Variants in PMS1 observed in about 807,000 individuals in gnomAD.
The protein encoded by PMS1 is PMS1 homolog 1, mismatch repair system component.
In PMS1, 79 loss-of-function variants were observed where a neutral mutation model predicts 93.1. The ratio of observed to expected loss-of-function variants is 0.85; its 90% CI spans 0.71 to 1.02. PMS1 has a LOEUF of 1.02. Ranked by LOEUF, PMS1 falls within the 50% of genes least tolerant of loss-of-function variation. The probability of loss-of-function intolerance (pLI) is 0.00; values close to 1 mark genes in which losing one functional copy is unlikely to be tolerated. For missense variants in PMS1, 1,064 were observed against 1,085.3 expected (o/e 0.98, Z 0.28); for synonymous variants, 335 against 363.4 (o/e 0.92, Z 0.89).
intron 5 of PMS1, among the ~76,000 whole-genome samples, chr2:189,826,657 G>A (rs966858952): frequency 5.3e-5 from 8 of 151,992 alleles, no homozygotes; most frequent in Non-Finnish European, 1.0e-4. Context: ...CCCTCAGTAG[G>A]ACATTATTCC....
chr2:189,876,161 T>G (rs1014044689), intron 12 of PMS1, among the ~76,000 whole-genome samples: 2 of 152,112 alleles, frequency 1.3e-5, no homozygotes, highest in Admixed American at 1.3e-4. Context: ...TTAGGGGAAC[T>G]TGAGAGAAGT....
At chr2:189,803,082 G>A (rs2050035179) in intron 3 of PMS1, among the ~76,000 whole-genome samples, 1 of 152,064 alleles carries the variant, frequency 6.6e-6, no homozygotes, top group Non-Finnish European at 1.5e-5. Flanking sequence ...AGCCATTCAG[G>A]CAAAAGTCTG....
chr2:189,820,437 A>G (rs1055960068), intron 5 of PMS1, among the ~76,000 whole-genome samples: 3 of 152,012 alleles, frequency 2.0e-5, no homozygotes, highest in Non-Finnish European at 4.4e-5. Flanking sequence ...AGCTGGGGCT[A>G]CACATGTGTA....
intron 11 of PMS1, among the ~76,000 whole-genome samples, chr2:189,870,521 CAATGTCTCT>C (rs1211528829): frequency 6.6e-6 from 1 of 152,138 alleles, no homozygotes; most frequent in African/African-American, 2.4e-5. Context: ...TACATAGTTC[CAATGTCTCT>C]AACTTTTCCA....
At chr2:189,862,717 A>T (rs151176794) in intron 9 of PMS1, among the ~76,000 whole-genome samples, 246 of 152,192 alleles carry the variant, frequency 1.6e-3, no homozygotes, top group African/African-American at 5.9e-3. Context: ...TTGTTCTTGG[A>T]CCCAGGGCAA....
At chr2:189,832,132 A>G (rs1436354143) in intron 5 of PMS1, among the ~76,000 whole-genome samples, 1 of 152,222 alleles carries the variant, frequency 6.6e-6, no homozygotes, top group East Asian at 1.9e-4. Flanking sequence ...GTTAGGTACC[A>G]GGGAGCTAGC....
chr2:189,796,982 A>G (rs972417232), intron 3 of PMS1, among the ~76,000 whole-genome samples: 1 of 152,240 alleles, frequency 6.6e-6, no homozygotes, highest in African/African-American at 2.4e-5. Flanking sequence ...TTGTATTAAG[A>G]AAATTAAGCA....
At chr2:189,838,131 A>G (rs2053540870) in intron 5 of PMS1, among the ~76,000 whole-genome samples, 3 of 152,232 alleles carry the variant, frequency 2.0e-5, no homozygotes, top group African/African-American at 7.2e-5. Flanking sequence ...TTATAAATCT[A>G]AAGTGGGTGA....
At chr2:189,867,741 C>T (rs774812831) in intron 10 of PMS1, 58 bp from the exon 11 acceptor site, 239 of 1,315,214 alleles carry the variant, frequency 1.8e-4, no homozygotes, top group Middle Eastern at 1.5e-3. Context: ...AACTTTTTCC[C>T]GTAAACCCCC....
intron 12 of PMS1, among the ~76,000 whole-genome samples, chr2:189,876,958 T>A (rs544133706): frequency 2.8e-4 from 43 of 152,148 alleles, no homozygotes; most frequent in Middle Eastern, 6.8e-3. Context: ...TCAAGTAATC[T>A]TTTTCCAACT....
In PMS1 at chr2:189,863,759, A is replaced by T; in HGVS notation, c.1873A>T (p.Thr625Ser). The T allele has an allele frequency of 6.3e-7, 1 of 1,593,486 alleles. No individual in the cohort carries two copies. The highest frequency in any genetic ancestry group is 8.6e-7 in the Non-Finnish European group (1 of 1,161,310). ...TATTCTTAGATATGAAGAGAAGGCT[A>T]CTAAAGACTTGGAACGATACAATAG... ...EEKLKYEEKA[T>S]KDLERYNSQM... The change falls in exon 10 of 13, where the codon ACT (threonine) becomes TCT (serine). Residue 625 changes from threonine (T) to serine (S), a missense_variant. Thr to Ser is a moderately conservative substitution (Grantham distance 58, BLOSUM62 1). Coordinates refer to ENST00000441310, the MANE Select transcript of PMS1 (RefSeq NM_000534.5).
intron 6 of PMS1, among the ~76,000 whole-genome samples, chr2:189,850,791 G>A (rs1175088590): frequency 1.3e-5 from 2 of 152,138 alleles, no homozygotes; most frequent in African/African-American, 2.4e-5. Context: ...TTGTGAGGGT[G>A]TCGGGCTGCA....
At chr2:189,871,458 C>G (rs1251383463) in intron 11 of PMS1, among the ~76,000 whole-genome samples, 2 of 152,226 alleles carry the variant, frequency 1.3e-5, no homozygotes, top group Non-Finnish European at 2.9e-5. Flanking sequence ...GGATACAGTG[C>G]AGCCAAAATC....
intron 5 of PMS1, among the ~76,000 whole-genome samples, chr2:189,828,779 A>G (rs548034391): frequency 2.6e-5 from 4 of 152,144 alleles, no homozygotes; most frequent in Admixed American, 1.3e-4. Context: ...ATAAGTCGCA[A>G]TGGTCAAAAC....
chr2:189,824,545 T>C (rs1210547644), intron 5 of PMS1, among the ~76,000 whole-genome samples: 2 of 152,080 alleles, frequency 1.3e-5, no homozygotes, highest in African/African-American at 4.8e-5. Flanking sequence ...GTGTACTACA[T>C]TTTATTATTT....
intron 9 of PMS1, chr2:189,857,569 T>C (rs2055479924): frequency 2.5e-6 from 1 of 406,136 alleles, no homozygotes. Context: ...TTTTCTTCCT[T>C]CTTCTTTTTT....
chr2:189,855,584 A>G (rs185925414), intron 9 of PMS1, among the ~76,000 whole-genome samples: 45 of 152,074 alleles, frequency 3.0e-4, no homozygotes, highest in Admixed American at 1.6e-3. Flanking sequence ...ATACAACACA[A>G]AAAAATTTGT....
intron 5 of PMS1, 54 bp downstream of exon 5, chr2:189,818,234 G>C: frequency 1.7e-6 from 2 of 1,145,604 alleles, no homozygotes; most frequent in Non-Finnish European, 2.6e-6. Context: ...AATAAACAAT[G>C]TATACTTTAT....
At chr2:189,853,677 G>A (rs551672079) in intron 7 of PMS1, among the ~76,000 whole-genome samples, 2 of 151,348 alleles carry the variant, frequency 1.3e-5, no homozygotes, top group East Asian at 3.9e-4. Context: ...CACTATGCCC[G>A]GCTAATTTTT....
Sources: allele counts gnomAD v4.1 joint callset (sites outside exome capture counted in the v4.1 genomes callset), GRCh38; gene constraint gnomAD v4.1.1; transcripts MANE v1.5; gene names NCBI Gene and HGNC (gene_info 2026-07-23, HGNC 2026-07-21).